The following PYM1 variants were observed in gnomAD, a reference collection of about 807,000 sequenced individuals.
The protein encoded by PYM1 is PYM1 exon junction complex associated factor, also known as partner of Y14 and mago.
PYM1 carries 7 observed loss-of-function variants against 20.7 expected under a neutral mutation model. The ratio of observed to expected loss-of-function variants is 0.34; its 90% CI spans 0.19 to 0.64. The LOEUF (loss-of-function observed/expected upper bound fraction) is 0.64. Ranked by LOEUF, PYM1 falls within the 30% of genes least tolerant of loss-of-function variation. The probability of loss-of-function intolerance (pLI) is 0.74; values close to 1 mark genes in which losing one functional copy is unlikely to be tolerated. For missense variants in PYM1, 194 were observed against 250.0 expected, an observed-to-expected ratio of 0.78 and a Z score of 1.51; for synonymous variants, 100 against 99.2, an observed-to-expected ratio of 1.01 and a Z score of -0.05.
rs1326153063 is a variant in PYM1 at position 55,903,368 on chromosome 12, G to A, written c.131+19C>T. 9 of 1,610,674 alleles carry A rather than the reference G, an allele frequency of 5.6e-6. No individual in the cohort carries two copies. The highest frequency in any genetic ancestry group is 3.3e-5 in the Admixed American group (2 of 59,896). ...AGGGACCCCATCAGAAAACCCCTAC[G>A]CAAAGCCTAACCACGTACACTGGGA... is the stretch of plus-strand genomic sequence containing the variant. On this transcript the variant is annotated intron_variant, in intron 2 of 2. Transcript: ENST00000408946.
intron 1 of PYM1, among the ~76,000 whole-genome samples, chr12:55,911,221 G>A (rs1882917088): frequency 6.6e-6 from 1 of 152,082 alleles, no homozygotes; most frequent in Non-Finnish European, 1.5e-5. Flanking sequence ...CGATTCTCCT[G>A]CCTCAGCCTC....
chr12:55,919,716 G>A (rs1485854023), intron 1 of PYM1, among the ~76,000 whole-genome samples: 3 of 151,738 alleles, frequency 2.0e-5, no homozygotes, highest in African/African-American at 2.4e-5. Context: ...TGGCCAACAC[G>A]GTGAAACCCC....
chr12:55,911,053 G>A (rs1390498505), intron 1 of PYM1, among the ~76,000 whole-genome samples: 1 of 152,046 alleles, frequency 6.6e-6, no homozygotes, highest in African/African-American at 2.4e-5. Context: ...TAACCTCTTC[G>A]GCATTGGGAG....
chr12:55,919,706 T>C (rs1200483598), intron 1 of PYM1, among the ~76,000 whole-genome samples: 1 of 151,956 alleles, frequency 6.6e-6, no homozygotes, highest in Non-Finnish European at 1.5e-5. Flanking sequence ...GAGACCAGCC[T>C]GGCCAACACG....
chr12:55,905,889 T>TATCTAATAGATATATA lies in PYM1; in HGVS notation c.38-2410_38-2409insTATATATCTATTAGAT, dbSNP rs1491324542. ...TATATATATCTATTAGATATATATA[T>TATCTAATAGATATATA]TATTATATATATCTAATAGATATAT... On this transcript the variant is annotated intron_variant, in intron 1 of 2. Coordinates refer to ENST00000408946, the MANE Select transcript of PYM1 (RefSeq NM_032345.3). Among the ~76,000 whole-genome samples the TATCTAATAGATATATA allele has an allele frequency of 3.2e-4, 23 of 71,420 alleles. 1 individual carries two copies. The highest frequency in any genetic ancestry group is 6.3e-4 in the Non-Finnish European group (21 of 33,222). The allele number at this position is 71,420 out of a possible 152,430, so 46.9% of individuals were successfully genotyped here. A position where few individuals can be genotyped will look rare whatever the true frequency, so the allele number is the denominator to read the frequency against.
chr12:55,902,407 T>A (rs1162618981), intron 2 of PYM1, 52 bp from the exon 3 acceptor site: 2 of 1,547,140 alleles, frequency 1.3e-6, no homozygotes, highest in African/African-American at 2.8e-5. Context: ...GACTTTTTGA[T>A]CCCTTTTCTT....
At chr12:55,916,403 G>A (rs1418698702) in intron 1 of PYM1, among the ~76,000 whole-genome samples, 1 of 151,994 alleles carries the variant, frequency 6.6e-6, no homozygotes, top group Non-Finnish European at 1.5e-5. Flanking sequence ...CAAGTCTGAT[G>A]CCAAAGCTTA....
chr12:55,907,082 AAGAG>A (rs974456590), intron 1 of PYM1, among the ~76,000 whole-genome samples: 4 of 103,312 alleles, frequency 3.9e-5, no homozygotes, highest in African/African-American at 1.6e-4. Flanking sequence ...TATATATGTT[AAGAG>A]AGAAAGTTAA....
intron 1 of PYM1, chr12:55,927,021 C>T (rs961662404): frequency 3.5e-5 from 52 of 1,474,262 alleles, no homozygotes; most frequent in Non-Finnish European, 4.4e-5. Flanking sequence ...TTTCCAAGTC[C>T]GAACCCCTGC....
chr12:55,917,549 A>G (rs531413655), intron 1 of PYM1, among the ~76,000 whole-genome samples: 1 of 152,356 alleles, frequency 6.6e-6, no homozygotes, highest in Admixed American at 6.5e-5. Context: ...ACACAGGAAC[A>G]GAAAACCAAA....
intron 1 of PYM1, among the ~76,000 whole-genome samples, chr12:55,914,627 G>A (rs1477355504): frequency 1.3e-5 from 2 of 152,202 alleles, no homozygotes; most frequent in African/African-American, 4.8e-5. Context: ...GAACTCCAAA[G>A]AGGTAGGGGA....
chr12:55,927,348 G>T, intron 1 of PYM1: 1 of 735,206 alleles, frequency 1.4e-6, no homozygotes, highest in Non-Finnish European at 2.4e-6. Context: ...CTGTAAAACA[G>T]TCCTCAGGGA....
At chr12:55,920,578 T>C (rs1883081055) in intron 1 of PYM1, among the ~76,000 whole-genome samples, 2 of 147,272 alleles carry the variant, frequency 1.4e-5, no homozygotes, top group Non-Finnish European at 3.0e-5. Context: ...GTGGAGATTG[T>C]AGTGAGCAGA....
At chr12:55,903,362 C>T (rs748090300) in intron 2 of PYM1, 25 bp downstream of exon 2, 3 of 1,605,802 alleles carry the variant, frequency 1.9e-6, no homozygotes, top group South Asian at 2.2e-5. Context: ...ATCAGAAAAC[C>T]CCTACGCAAA....
chr12:55,920,425 G>A (rs896906707), intron 1 of PYM1, among the ~76,000 whole-genome samples: 1 of 151,920 alleles, frequency 6.6e-6, no homozygotes, highest in Non-Finnish European at 1.5e-5. Context: ...ATCCTTTGAG[G>A]CCAGGAGTTC....
chr12:55,903,868 T>G (rs1882737910), intron 1 of PYM1, among the ~76,000 whole-genome samples: 1 of 152,134 alleles, frequency 6.6e-6, no homozygotes. Context: ...AAATTTTATT[T>G]AGATGGAACT....
intron 1 of PYM1, among the ~76,000 whole-genome samples, chr12:55,911,148 G>C (rs1006096361): frequency 3.3e-5 from 5 of 152,044 alleles, no homozygotes; most frequent in Non-Finnish European, 5.9e-5. Flanking sequence ...TGCTCTTGTA[G>C]CCCAGGCTGG....
At chr12:55,910,528 C>A (rs1411676610) in intron 1 of PYM1, among the ~76,000 whole-genome samples, 1 of 152,010 alleles carries the variant, frequency 6.6e-6, no homozygotes, top group Non-Finnish European at 1.5e-5. Context: ...CTGCAACCTC[C>A]GCCTCCTGGG....
intron 1 of PYM1, among the ~76,000 whole-genome samples, chr12:55,918,847 G>A (rs1352399246): frequency 1.3e-5 from 2 of 152,146 alleles, no homozygotes; most frequent in South Asian, 2.1e-4. Context: ...CAGCCTGGGC[G>A]ACAGAGCAAG....
Sources: gnomAD v4.1 joint callset for allele counts (sites outside exome capture counted in the v4.1 genomes callset) on GRCh38, gnomAD v4.1.1 for gene constraint, MANE v1.5 for transcripts, NCBI Gene and HGNC (gene_info 2026-07-23, HGNC 2026-07-21) for gene names.